CDH8: variants seen among roughly 807,000 people sequenced by gnomAD.
CDH8 encodes cadherin 8.
CDH8 carries 17 observed loss-of-function variants against 68.1 expected under a neutral mutation model. The observed-to-expected ratio is 0.25, with a 90% CI of 0.17 to 0.37. The LOEUF (loss-of-function observed/expected upper bound fraction) is 0.37, where lower values mean the gene tolerates loss of function less well. Ranked by LOEUF, CDH8 falls within the 10% of genes least tolerant of loss-of-function variation. The pLI, the probability that CDH8 is intolerant of heterozygous loss-of-function variation, is 1.00. For synonymous variants in CDH8, 372 were observed against 365.1 expected (o/e 1.02, Z -0.21); for missense variants, 763 against 999.3 (o/e 0.76, Z 3.19).
intron 2 of CDH8, among the ~76,000 whole-genome samples, chr16:61,928,575 C>A (rs1170319526): frequency 6.6e-6 from 1 of 152,100 alleles, no homozygotes; most frequent in African/African-American, 2.4e-5. Flanking sequence ...AGTGTTGTAA[C>A]CTCTTGATTC....
chr16:61,731,956 G>A (rs946289354), intron 8 of CDH8, among the ~76,000 whole-genome samples: 1 of 151,696 alleles, frequency 6.6e-6, no homozygotes, highest in African/African-American at 2.4e-5. Flanking sequence ...TGGAAATTGT[G>A]CAGTAGGAAA....
intron 2 of CDH8, among the ~76,000 whole-genome samples, chr16:61,967,259 A>G (rs993920080): frequency 4.6e-5 from 7 of 152,230 alleles, no homozygotes; most frequent in African/African-American, 1.7e-4. Flanking sequence ...TAGTTAAGTC[A>G]TACAGTTTGT....
At chr16:61,782,488 G>A (rs1446178017) in intron 8 of CDH8, among the ~76,000 whole-genome samples, 1 of 151,886 alleles carries the variant, frequency 6.6e-6, no homozygotes, top group Middle Eastern at 3.2e-3. Context: ...AGATCAAACT[G>A]CAAGGCAGCA....
At chr16:61,835,976 C>T (rs1962559646) in intron 4 of CDH8, among the ~76,000 whole-genome samples, 1 of 151,874 alleles carries the variant, frequency 6.6e-6, no homozygotes, top group African/African-American at 2.4e-5. Flanking sequence ...TCAGTCTCCT[C>T]ACTTATAAAA....
intron 8 of CDH8, among the ~76,000 whole-genome samples, chr16:61,729,464 T>C (rs1385646877): frequency 3.3e-5 from 5 of 151,220 alleles, no homozygotes; most frequent in African/African-American, 7.3e-5. Context: ...AGTTTCAGAA[T>C]TGCACTCGTA....
chr16:61,696,996 A>G (rs1408699125), intron 10 of CDH8, among the ~76,000 whole-genome samples: 1 of 152,282 alleles, frequency 6.6e-6, no homozygotes, highest in Admixed American at 6.5e-5. Context: ...TACCATGCTC[A>G]TTACCTGGGT....
chr16:61,795,484 T>C (rs544062353), intron 7 of CDH8, among the ~76,000 whole-genome samples: 1 of 152,216 alleles, frequency 6.6e-6, no homozygotes, highest in South Asian at 2.1e-4. Flanking sequence ...TAATCTCAGA[T>C]GTTCATCTAT....
chr16:61,649,709 G>A lies in CDH8; in HGVS notation c.*3899C>T, dbSNP rs1567401333. On this transcript the variant is annotated 3_prime_UTR_variant, in exon 12 of 12. Coordinates refer to ENST00000577390, the MANE Select transcript of CDH8 (RefSeq NM_001796.5). ...ATACATTCGTGAGATTCCCTGCAAA[G>A]CCAGTGATCGCATAATACAACTTGT... 6.6e-6 allele frequency: 1 copy of A among 151,988 alleles called. No individual in the cohort carries two copies. The highest frequency in any genetic ancestry group is 1.5e-5 in the Non-Finnish European group (1 of 68,004). 9.4% of individuals were successfully genotyped at this position (151,988 alleles called of 1,614,324 possible). A position where few individuals can be genotyped will look rare whatever the true frequency, so the allele number is the denominator to read the frequency against.
chr16:61,912,213 C>T (rs1383276960), intron 2 of CDH8, among the ~76,000 whole-genome samples: 3 of 151,810 alleles, frequency 2.0e-5, no homozygotes, highest in African/African-American at 7.3e-5. Flanking sequence ...AAGAACATTA[C>T]AATTGAGGTT....
intron 8 of CDH8, among the ~76,000 whole-genome samples, chr16:61,782,581 C>T (rs1327400784): frequency 6.6e-6 from 1 of 151,744 alleles, no homozygotes; most frequent in Non-Finnish European, 1.5e-5. Context: ...CTGGGTGGAG[C>T]CCACCACAGC....
At chr16:61,694,011 C>T (rs561669059) in intron 10 of CDH8, among the ~76,000 whole-genome samples, 1 of 152,244 alleles carries the variant, frequency 6.6e-6, no homozygotes, top group Non-Finnish European at 1.5e-5. Flanking sequence ...ATAGGCATTA[C>T]TAACCCCACC....
chr16:62,028,563 T>C (rs749447556), intron 1 of CDH8, among the ~76,000 whole-genome samples: 38 of 152,120 alleles, frequency 2.5e-4, no homozygotes, highest in Non-Finnish European at 3.8e-4. Flanking sequence ...AATTTCAGAA[T>C]GGGGTGACTA....
At chr16:61,701,313 C>CTTTAAATCATTTA (rs1477962986) in intron 10 of CDH8, among the ~76,000 whole-genome samples, 1 of 152,156 alleles carries the variant, frequency 6.6e-6, no homozygotes. Flanking sequence ...GTGTACCTAA[C>CTTTAAATCATTTA]TTTAAATCAT....
intron 7 of CDH8, among the ~76,000 whole-genome samples, chr16:61,794,800 A>C (rs1961459742): frequency 6.6e-6 from 1 of 152,054 alleles, no homozygotes; most frequent in Admixed American, 6.6e-5. Flanking sequence ...TGAACTGATC[A>C]TTGAAGATTC....
In CDH8 at chr16:61,960,407, A is replaced by ATGTGTGTGTGTG. The variant is rs1567546866; in HGVS notation, c.253-58935_253-58934insCACACACACACA. Among the ~76,000 whole-genome samples, 559 of 116,480 alleles carry ATGTGTGTGTGTG rather than the reference A, an allele frequency of 4.8e-3. 123 individuals carry two copies. Among genetic ancestry groups the ATGTGTGTGTGTG allele is most frequent in the African/African-American group, 8.0e-3 (181 of 22,678 alleles). 76.4% of individuals were successfully genotyped at this position (116,480 alleles called of 152,430 possible). On this transcript the variant is annotated intron_variant, in intron 2 of 11. Coordinates refer to ENST00000577390, the MANE Select transcript of CDH8 (RefSeq NM_001796.5). ...TGTGTGTATACACATACATATATAC[A>ATGTGTGTGTGTG]TATATGTGTGTGTGTATACACATAC...
chr16:62,024,401 G>C (rs979181333), intron 1 of CDH8, among the ~76,000 whole-genome samples: 5 of 152,114 alleles, frequency 3.3e-5, no homozygotes, highest in African/African-American at 1.2e-4. Flanking sequence ...CAAACACTCT[G>C]CAAGTATACT....
rs576699937 is a variant in CDH8, at chr16:61,965,917, T to C, written c.252+55235A>G. Among the ~76,000 whole-genome samples, 6 of 152,318 alleles carry C rather than the reference T, an allele frequency of 3.9e-5. No individual in the cohort carries two copies. The South Asian group carries it at 1.2e-3, about 32-fold the overall frequency. ...CATATTCCTGTATTATCCTTCTGTT[T>C]ACACCAGAATCCTGACAACTAATTG... is the stretch of plus-strand genomic sequence containing the variant. On this transcript the variant is annotated intron_variant, in intron 2 of 11. Coordinates refer to ENST00000577390, the MANE Select transcript of CDH8 (RefSeq NM_001796.5).
In CDH8 at chr16:61,655,367, A is replaced by G. The variant is rs527433546; in HGVS notation, c.1906+103T>C. The G allele has an allele frequency of 7.8e-6, 9 of 1,156,722 alleles. No homozygotes were observed. In the South Asian group the frequency reaches 9.1e-5, roughly 12 times the overall value. The allele number at this position is 1,156,722 out of a possible 1,614,324, so 71.7% of individuals were successfully genotyped here. On this transcript the variant is annotated intron_variant, in intron 11 of 11. Transcript: ENST00000577390. ...AAGGAAAGGAAGTTCCTCTTCCCCA[A>G]CGGAATGCTCTTGCCTGTGTAGATC...
chr16:61,923,775 T>C (rs1280093525), intron 2 of CDH8, among the ~76,000 whole-genome samples: 1 of 147,536 alleles, frequency 6.8e-6, no homozygotes, highest in East Asian at 1.9e-4. Context: ...TATATAAATA[T>C]ATGTGATGTA....
Sources: gnomAD v4.1 joint callset for allele counts (sites outside exome capture counted in the v4.1 genomes callset) on GRCh38, gnomAD v4.1.1 for gene constraint, MANE v1.5 for transcripts, NCBI Gene and HGNC (gene_info 2026-07-23, HGNC 2026-07-21) for gene names.